The following CNOT4 variants were observed in gnomAD, a reference collection of about 807,000 sequenced individuals.
CNOT4 encodes CCR4-NOT transcription complex subunit 4.
A neutral mutation model predicts 73.8 loss-of-function variants in CNOT4; 8 were observed. That is an observed-to-expected ratio of 0.11 (90% CI 0.06 to 0.20). The LOEUF (loss-of-function observed/expected upper bound fraction) is 0.20, where lower values mean the gene tolerates loss of function less well. Ranked by LOEUF, CNOT4 falls within the 10% of genes least tolerant of loss-of-function variation. The pLI, the probability that CNOT4 is intolerant of heterozygous loss-of-function variation, is 1.00. For synonymous variants in CNOT4, 293 were observed against 321.1 expected (o/e 0.91, Z 0.94); for missense variants, 564 against 883.4 (o/e 0.64, Z 4.58).
intron 10 of CNOT4, chr7:135,387,345 G>T (rs1796170835): frequency 1.0e-6 from 1 of 985,160 alleles, no homozygotes; most frequent in Non-Finnish European, 1.2e-6. Flanking sequence ...TCTAAGAATA[G>T]ATTTTTGTTT....
chr7:135,409,587 A>C (rs1329778086), intron 7 of CNOT4, among the ~76,000 whole-genome samples: 5 of 152,120 alleles, frequency 3.3e-5, no homozygotes, highest in African/African-American at 1.2e-4. Flanking sequence ...CTATGTTTGA[A>C]AATAGTTCTT....
At chr7:135,382,405 T>C (rs889484341) in intron 10 of CNOT4, among the ~76,000 whole-genome samples, 5 of 152,168 alleles carry the variant, frequency 3.3e-5, no homozygotes, top group African/African-American at 1.2e-4. Flanking sequence ...TCTCAATCCA[T>C]CAACAAGGTT....
At chr7:135,479,355 C>T (rs1275261770) in intron 1 of CNOT4, among the ~76,000 whole-genome samples, 2 of 151,174 alleles carry the variant, frequency 1.3e-5, no homozygotes, top group Non-Finnish European at 3.0e-5. Context: ...ACTACAGGAG[C>T]ACACCACCAT....
chr7:135,396,511 G>A (rs1796701318), intron 8 of CNOT4, among the ~76,000 whole-genome samples: 1 of 152,110 alleles, frequency 6.6e-6, no homozygotes, highest in South Asian at 2.1e-4. Flanking sequence ...GCTCAAGAGT[G>A]AAAACTTTCC....
chr7:135,374,971 T>C (rs1015199558), intron 10 of CNOT4, among the ~76,000 whole-genome samples: 9 of 152,210 alleles, frequency 5.9e-5, no homozygotes, highest in Non-Finnish European at 1.0e-4. Flanking sequence ...ACCATATAAA[T>C]AGATGTGCAA....
chr7:135,414,597 A>T (rs570563089), intron 4 of CNOT4, among the ~76,000 whole-genome samples, 165 bp from the exon 5 acceptor site: 1 of 152,258 alleles, frequency 6.6e-6, no homozygotes, highest in Admixed American at 6.5e-5. Context: ...AAACTAGCTC[A>T]TTTGAAAGTA....
At chr7:135,369,204 A>G (rs1221109538) in intron 10 of CNOT4, among the ~76,000 whole-genome samples, 2 of 152,260 alleles carry the variant, frequency 1.3e-5, no homozygotes, top group Non-Finnish European at 2.9e-5. Context: ...AGACCTCTGC[A>G]TAATGACAAC....
rs1563083394 is a variant in CNOT4, at chr7:135,495,684, AAAAAAAAAAG to A, written c.-93+14195_-93+14204del. Among the ~76,000 whole-genome samples the A allele has an allele frequency of 3.1e-5, 3 of 97,642 alleles. No individual in the cohort carries two copies. The East Asian group carries it at 9.6e-4, about 31-fold the overall frequency. 64.1% of individuals were successfully genotyped at this position (97,642 alleles called of 152,430 possible). On this transcript the variant is annotated intron_variant, in intron 1 of 11. Coordinates refer to ENST00000541284, the MANE Select transcript of CNOT4 (RefSeq NM_001190850.2). ...GACCCTGTGTCAAAAAAAAAAAAAA[AAAAAAAAAAG>A]AAAGAAAGAAAGAAAGAAAGAAAGA... is the stretch of plus-strand genomic sequence containing the variant.
At chr7:135,380,124 G>GAA (rs1225911560) in intron 10 of CNOT4, among the ~76,000 whole-genome samples, 285 of 143,150 alleles carry the variant, frequency 2.0e-3, no homozygotes, top group African/African-American at 5.4e-3. Context: ...CTTGATTGGG[G>GAA]AAAAAAAAAA....
At chr7:135,426,602 C>CAA (rs35332719) in intron 2 of CNOT4, among the ~76,000 whole-genome samples, 1 of 111,050 alleles carries the variant, frequency 9.0e-6, no homozygotes, top group African/African-American at 3.6e-5. Context: ...GACTCCGTCT[C>CAA]AAAAAAAAAA....
At chr7:135,501,664 T>C (rs1803976293) in intron 1 of CNOT4, among the ~76,000 whole-genome samples, 1 of 152,234 alleles carries the variant, frequency 6.6e-6, no homozygotes, top group Non-Finnish European at 1.5e-5. Flanking sequence ...TACTGGCTTC[T>C]TATTGCTTAG....
chr7:135,504,872 C>A (rs540111138), intron 1 of CNOT4, among the ~76,000 whole-genome samples: 6 of 152,124 alleles, frequency 3.9e-5, no homozygotes, highest in African/African-American at 1.4e-4. Context: ...TCGTGATCTG[C>A]CCACCTCGGC....
At chr7:135,499,963 G>A (rs1803855727) in intron 1 of CNOT4, among the ~76,000 whole-genome samples, 1 of 152,082 alleles carries the variant, frequency 6.6e-6, no homozygotes, top group Non-Finnish European at 1.5e-5. Flanking sequence ...GTTTTAAAAT[G>A]TCAAAAATAT....
chr7:135,398,718 GA>G (rs1408953213), intron 7 of CNOT4, among the ~76,000 whole-genome samples: 2 of 152,040 alleles, frequency 1.3e-5, no homozygotes, highest in African/African-American at 4.8e-5. Context: ...CTTATAGGGG[GA>G]AAAAAGGCAC....
intron 1 of CNOT4, among the ~76,000 whole-genome samples, chr7:135,460,372 G>C (rs1800803782): frequency 6.6e-6 from 1 of 152,086 alleles, no homozygotes; most frequent in Admixed American, 6.6e-5. Context: ...ATCATTTCTA[G>C]CTTTTGGTTT....
At chr7:135,404,583 C>G (rs970975753) in intron 7 of CNOT4, among the ~76,000 whole-genome samples, 2 of 152,098 alleles carry the variant, frequency 1.3e-5, no homozygotes, top group Non-Finnish European at 2.9e-5. Flanking sequence ...TTTTCTAAAT[C>G]TCAAGAGTTT....
At chr7:135,461,963 T>C (rs1325868131) in intron 1 of CNOT4, among the ~76,000 whole-genome samples, 4 of 151,990 alleles carry the variant, frequency 2.6e-5, no homozygotes, top group Non-Finnish European at 5.9e-5. Context: ...AGCAAACTCT[T>C]CTCTTTAAAA....
chr7:135,432,931 T>C (rs185210895), intron 2 of CNOT4, among the ~76,000 whole-genome samples: 10 of 152,362 alleles, frequency 6.6e-5, no homozygotes, highest in Admixed American at 5.2e-4. Context: ...GCTATTTTCC[T>C]CTGTGGAAGC....
chr7:135,375,707 G>A (rs1484275279), intron 10 of CNOT4, among the ~76,000 whole-genome samples: 13 of 152,102 alleles, frequency 8.5e-5, no homozygotes, highest in Non-Finnish European at 8.8e-5. Flanking sequence ...GGAGGATCAC[G>A]GGGTCAGGGG....
Sources: gnomAD v4.1 joint callset for allele counts (sites outside exome capture counted in the v4.1 genomes callset) on GRCh38, gnomAD v4.1.1 for gene constraint, MANE v1.5 for transcripts, NCBI Gene and HGNC (gene_info 2026-07-23, HGNC 2026-07-21) for gene names.